RORA: variants seen among roughly 807,000 people sequenced by gnomAD.
The protein encoded by RORA is RAR related orphan receptor A.
RORA carries 7 observed loss-of-function variants against 69.5 expected under a neutral mutation model. That is an observed-to-expected ratio of 0.10 (90% CI 0.06 to 0.19). The LOEUF is 0.19. Among genes scored for constraint, RORA ranks in the 10% least tolerant of loss-of-function variants. The pLI, the probability that RORA is intolerant of heterozygous loss-of-function variation, is 1.00. For synonymous variants in RORA, 261 were observed against 240.8 expected, an observed-to-expected ratio of 1.08 and a Z score of -0.78; for missense variants, 457 against 663.0, an observed-to-expected ratio of 0.69 and a Z score of 3.41.
At chr15:61,083,081 C>G (rs1282238989) in intron 1 of RORA, among the ~76,000 whole-genome samples, 1 of 152,184 alleles carries the variant, frequency 6.6e-6, no homozygotes, top group Non-Finnish European at 1.5e-5. Flanking sequence ...GCGTCCCTCT[C>G]AAAAAGGTGT....
intron 1 of RORA, among the ~76,000 whole-genome samples, chr15:61,101,401 GGAGAGAATAAGATAAAAATTTC>G (rs1042717834): frequency 6.6e-6 from 1 of 152,058 alleles, no homozygotes; most frequent in African/African-American, 2.4e-5. Flanking sequence ...GGTCAGCTGT[GGAGAGAATAAGATAAAAATTTC>G]GAGGCACTGG....
At chr15:61,004,369 A>G (rs1894844631) in intron 1 of RORA, among the ~76,000 whole-genome samples, 1 of 131,468 alleles carries the variant, frequency 7.6e-6, no homozygotes. Context: ...CTTAAAATGG[A>G]GTCTGAATGT....
rs60034207 is a variant in RORA, at chr15:60,991,906, A to AAAAATAAAATAAAATAAAAT, written c.166+237127_166+237146dup. On this transcript the variant is annotated intron_variant, in intron 1 of 10. Transcript: ENST00000335670. ...GCGTGACAGAGCGAGACCGTGCCTCAAAAATAAAATAAAATAAAATAAAAT... is the reference window on the plus strand; with the variant it reads ...GCGTGACAGAGCGAGACCGTGCCTCAAAAATAAAATAAAATAAAATAAAATAAAATAAAATAAAATAAAAT... 5.0e-4 allele frequency among the ~76,000 whole-genome samples: 74 copies of AAAAATAAAATAAAATAAAAT among 148,140 alleles called. 1 individual carries two copies. The highest frequency in any genetic ancestry group is 3.5e-3 in the Middle Eastern group (1 of 284).
At chr15:60,692,212 G>T (rs1354373378) in intron 1 of RORA, among the ~76,000 whole-genome samples, 2 of 152,104 alleles carry the variant, frequency 1.3e-5, no homozygotes, top group East Asian at 3.8e-4. Context: ...GTTTTTGCCA[G>T]ATTTTTAAAA....
Position 60,689,169 on chromosome 15 carries a change from C to A in RORA, c.167-10483G>T, listed in dbSNP as rs990960852. On this transcript the variant is annotated intron_variant, in intron 1 of 10. Transcript: ENST00000335670. ...ATCTGTAGGATGGAAGTAAGGATAC[C>A]TTTTTCATGAGGCTGTTGTGATTAT... Among the ~76,000 whole-genome samples, 5 of 152,226 alleles carry A rather than the reference C, an allele frequency of 3.3e-5. No homozygotes were observed. The East Asian group carries it at 9.6e-4, about 29-fold the overall frequency.
At chr15:60,728,996 C>T (rs1480242693) in intron 1 of RORA, among the ~76,000 whole-genome samples, 4 of 152,170 alleles carry the variant, frequency 2.6e-5, no homozygotes, top group Non-Finnish European at 5.9e-5. Context: ...GTTGTTATAT[C>T]CATAGGCGGG....
chr15:61,222,629 C>G (rs2080108575), intron 1 of RORA, among the ~76,000 whole-genome samples: 1 of 152,174 alleles, frequency 6.6e-6, no homozygotes, highest in African/African-American at 2.4e-5. Flanking sequence ...GAATTTCCAA[C>G]ACTACAATAT....
intron 1 of RORA, among the ~76,000 whole-genome samples, chr15:61,022,313 A>C (rs1185004036): frequency 6.6e-6 from 1 of 152,246 alleles, no homozygotes; most frequent in Non-Finnish European, 1.5e-5. Flanking sequence ...GCTATTAATT[A>C]ATACAAACAT....
intron 1 of RORA, among the ~76,000 whole-genome samples, chr15:60,806,093 C>T (rs1160534690): frequency 6.6e-6 from 1 of 152,132 alleles, no homozygotes; most frequent in Non-Finnish European, 1.5e-5. Flanking sequence ...GCATTTTAGG[C>T]AGTGACATGC....
intron 1 of RORA, among the ~76,000 whole-genome samples, chr15:61,043,591 C>G (rs1348986056): frequency 6.6e-6 from 1 of 152,172 alleles, no homozygotes; most frequent in Non-Finnish European, 1.5e-5. Flanking sequence ...CTAATTCCAC[C>G]TAACCATAGA....
intron 3 of RORA, among the ~76,000 whole-genome samples, chr15:60,521,382 C>T (rs1567057395): frequency 6.6e-6 from 1 of 151,780 alleles, no homozygotes; most frequent in Non-Finnish European, 1.5e-5. Flanking sequence ...GCTGGGACTA[C>T]AGGCGTGCAC....
At chr15:60,743,076 A>G (rs149955839) in intron 1 of RORA, among the ~76,000 whole-genome samples, 4,035 of 139,530 alleles carry the variant, frequency 0.029, 132 homozygotes, top group African/African-American at 0.076. Flanking sequence ...GTACAGTGGC[A>G]CAATCTCGGC....
intron 1 of RORA, among the ~76,000 whole-genome samples, chr15:60,961,710 C>T (rs1271539433): frequency 3.3e-5 from 5 of 152,262 alleles, no homozygotes; most frequent in East Asian, 1.9e-4. Context: ...TATATGTTGT[C>T]GACCTGGCCG....
intron 1 of RORA, among the ~76,000 whole-genome samples, chr15:61,221,495 T>C (rs1387764227): frequency 2.0e-5 from 3 of 152,246 alleles, no homozygotes; most frequent in Non-Finnish European, 4.4e-5. Flanking sequence ...TAGTTTGACA[T>C]AGATTTTAAG....
intron 1 of RORA, among the ~76,000 whole-genome samples, chr15:60,822,760 G>T (rs143137783): frequency 6.6e-6 from 1 of 152,122 alleles, no homozygotes; most frequent in Admixed American, 6.5e-5. Context: ...GGTCAGGCCC[G>T]GACAAATGCT....
intron 1 of RORA, among the ~76,000 whole-genome samples, chr15:60,856,074 A>C (rs1475283446): frequency 6.6e-6 from 1 of 152,132 alleles, no homozygotes; most frequent in Non-Finnish European, 1.5e-5. Flanking sequence ...CCTTAAACCC[A>C]CTCATGTTAA....
At chr15:60,636,268 A>C (rs1007894639) in intron 2 of RORA, among the ~76,000 whole-genome samples, 2 of 152,204 alleles carry the variant, frequency 1.3e-5, no homozygotes, top group Non-Finnish European at 2.9e-5. Context: ...CCATCTTTCT[A>C]TTCCTAGAAA....
chr15:60,652,323 T>A lies in RORA; in HGVS notation c.196+26334A>T, dbSNP rs115781102. On this transcript the variant is annotated intron_variant, in intron 2 of 10. Transcript: ENST00000335670. The stretch of plus-strand genomic sequence containing the variant: ...ATAAGAAAGGCATAAGTAGGGCCAA[T>A]GGGTAGAGACTGTAAAAAAACAGAT... Among the ~76,000 whole-genome samples, 814 of 152,256 alleles carry A rather than the reference T, an allele frequency of 5.3e-3. 8 individuals carry two copies. The highest frequency in any genetic ancestry group is 0.019 in the African/African-American group (773 of 41,560).
intron 1 of RORA, among the ~76,000 whole-genome samples, chr15:60,815,008 G>A (rs954730588): frequency 2.6e-5 from 4 of 152,118 alleles, no homozygotes; most frequent in African/African-American, 4.8e-5. Flanking sequence ...CACATGAGGC[G>A]AAAGGGTTGA....
Sources: gnomAD v4.1 joint callset for allele counts (sites outside exome capture counted in the v4.1 genomes callset) on GRCh38, gnomAD v4.1.1 for gene constraint, MANE v1.5 for transcripts, NCBI Gene and HGNC (gene_info 2026-07-23, HGNC 2026-07-21) for gene names.